JHY: variants seen among roughly 807,000 people sequenced by gnomAD.
The protein encoded by JHY is jhy protein homolog.
In JHY, 69 loss-of-function variants were observed where a neutral mutation model predicts 78.0. The ratio of observed to expected loss-of-function variants is 0.88; its 90% confidence interval spans 0.73 to 1.08. JHY has a LOEUF of 1.08. Ranked by LOEUF, JHY falls within the 50% of genes least tolerant of loss-of-function variation. The pLI, the probability that JHY is intolerant of heterozygous loss-of-function variation, is 0.00. For synonymous variants in JHY, 368 were observed against 342.6 expected, an observed-to-expected ratio of 1.07 and a Z score of -0.82; for missense variants, 944 against 927.8, an observed-to-expected ratio of 1.02 and a Z score of -0.23.
In JHY at chr11:122,934,518, A is replaced by G. The variant is rs1388991343; in HGVS notation, c.1077A>G (p.Arg359=). ...SDMVNDHQPS[R]RPAKLKIRKQ... ...TGGTGAATGACCATCAACCTTCCAGAAGACCAGCCAAGCTCAAGATTCGAA... is the reference window on the plus strand; with the variant it reads ...TGGTGAATGACCATCAACCTTCCAGGAGACCAGCCAAGCTCAAGATTCGAA... The change falls in exon 5 of 9, where the codon AGA becomes AGG. Residue 359 remains arginine (R), a synonymous_variant. Coordinates refer to ENST00000227349, the MANE Select transcript of JHY (RefSeq NM_024806.4). The G allele has an allele frequency of 3.7e-6, 6 of 1,614,110 alleles. No individual in the cohort carries two copies. Among genetic ancestry groups the G allele is most frequent in the Non-Finnish European group, 5.1e-6 (6 of 1,180,024 alleles).
chr11:122,942,895 G>A (rs979349949), intron 5 of JHY, among the ~76,000 whole-genome samples: 3 of 151,920 alleles, frequency 2.0e-5, no homozygotes, highest in African/African-American at 7.3e-5. Flanking sequence ...TCTTTTTAGA[G>A]GCAGGGTCTC....
chr11:122,892,314 A>G (rs1327730808), intron 2 of JHY, among the ~76,000 whole-genome samples: 1 of 151,424 alleles, frequency 6.6e-6, no homozygotes. Context: ...AAAGGGACTC[A>G]TAATAATCTG....
intron 3 of JHY, chr11:122,905,345 T>TGGA: frequency 6.5e-7 from 1 of 1,542,194 alleles, no homozygotes; most frequent in African/African-American, 1.4e-5. Flanking sequence ...CCACTCTTAC[T>TGGA]GGAAAGAGCT....
intron 4 of JHY, among the ~76,000 whole-genome samples, chr11:122,930,283 G>A (rs1206542117): frequency 6.6e-6 from 1 of 152,000 alleles, no homozygotes; most frequent in Non-Finnish European, 1.5e-5. Flanking sequence ...GTTTCACCAT[G>A]TTTGTCAAGC....
intron 2 of JHY, among the ~76,000 whole-genome samples, chr11:122,891,616 G>A (rs1306718487): frequency 6.6e-6 from 1 of 150,500 alleles, no homozygotes; most frequent in African/African-American, 2.4e-5. Flanking sequence ...CTTTATATGT[G>A]TTTAATAAGG....
In JHY at chr11:122,950,653, A is replaced by T. The variant is rs562327974; in HGVS notation, c.1929+3861A>T. ...GACTTAGTGTGATGTTAAGTGAAAT[A>T]ATGTATTAAAACTACAGCTTAGTCC... On this transcript the variant is annotated intron_variant, in intron 6 of 8. Transcript: ENST00000227349. Among the ~76,000 whole-genome samples the T allele has an allele frequency of 3.3e-5, 5 of 152,340 alleles. No homozygotes were observed. In the East Asian group the frequency reaches 9.6e-4, roughly 29 times the overall value.
At position 122,935,330 on chromosome 11, in the gene JHY, G is replaced by A. The variant is rs2135356981; in HGVS notation, c.1634+255G>A. ...GCTCATTGCAACCTCCGCCTCCCGA[G>A]CTCAAGCAATTCTCCTGGCCCAGCC... On this transcript the variant is annotated intron_variant, in intron 5 of 8. Coordinates refer to ENST00000227349, the MANE Select transcript of JHY (RefSeq NM_024806.4). This position sits in a 1 kb window ranked among gnomAD's most constrained non-coding sequence, Gnocchi z 4.5. Among the ~76,000 whole-genome samples the A allele has an allele frequency of 6.6e-6, 1 of 151,944 alleles. No homozygotes were observed. Among genetic ancestry groups the A allele is most frequent in the Non-Finnish European group, 1.5e-5 (1 of 67,966 alleles).
rs550598373 is a variant in JHY at position 122,939,540 on chromosome 11, C to T, written c.1634+4465C>T. Among the ~76,000 whole-genome samples the T allele has an allele frequency of 9.2e-5, 14 of 152,202 alleles. No individual in the cohort carries two copies. The East Asian group carries it at 1.9e-3, about 21-fold the overall frequency. On this transcript the variant is annotated intron_variant, in intron 5 of 8. Coordinates refer to ENST00000227349, the MANE Select transcript of JHY (RefSeq NM_024806.4). ...CCCCCCATTTTGTTCTCTTTATCTT[C>T]GTGGGTTGATGTCTTTTAAAAATCT...
Position 122,904,206 on chromosome 11 carries a change from C to G in JHY, c.626C>G (p.Pro209Arg). The change falls in exon 3 of 9, where the codon CCG becomes CGG. Residue 209 changes from proline (P) to arginine (R), a missense_variant. Physicochemically the swap from Pro to Arg is moderately radical, Grantham distance 103 (BLOSUM62 -2). Transcript: ENST00000227349. ...GAGCATGGTGCCCGTCGCAGCAAGC[C>G]GTTTTCAGAGCTGAGCGACAGTGAC... is the stretch of plus-strand genomic sequence containing the variant. ...NYEHGARRSK[P>R]FSELSDSDLE... is the part of the protein sequence containing the mutation. 6.2e-7 allele frequency: 1 copy of G among 1,614,136 alleles called. No individual in the cohort carries two copies.
At chr11:122,893,440 G>T (rs1461392248) in intron 2 of JHY, among the ~76,000 whole-genome samples, 2 of 152,158 alleles carry the variant, frequency 1.3e-5, no homozygotes, top group Non-Finnish European at 2.9e-5. Context: ...CCTGAGGCTT[G>T]TTGCCCCCGG....
chr11:122,928,652 G>T (rs907968314), intron 4 of JHY, among the ~76,000 whole-genome samples: 3 of 151,506 alleles, frequency 2.0e-5, no homozygotes, highest in Admixed American at 6.6e-5. Context: ...TTGGTTTTTT[G>T]TTGTTGTTGT....
At chr11:122,918,812 T>C (rs1277586785) in intron 3 of JHY, among the ~76,000 whole-genome samples, 1 of 149,716 alleles carries the variant, frequency 6.7e-6, no homozygotes, top group Non-Finnish European at 1.5e-5. Context: ...GTAGTACCCG[T>C]AGAGCTATAC....
chr11:122,960,653 G>T lies in JHY; in HGVS notation c.*1208G>T, dbSNP rs1864293826. ...CCTTTTCTACTATATCAATAGTAGG[G>T]TTACTTGTCTATGTAATTTAAAAAT... is the stretch of plus-strand genomic sequence containing the variant. On this transcript the variant is annotated 3_prime_UTR_variant, in exon 9 of 9. Coordinates refer to ENST00000227349, the MANE Select transcript of JHY (RefSeq NM_024806.4). 1 of 367,012 alleles carries T rather than the reference G, an allele frequency of 2.7e-6. No homozygotes were observed. Among genetic ancestry groups the T allele is most frequent in the Non-Finnish European group, 5.5e-6 (1 of 182,274 alleles). 22.7% of individuals were successfully genotyped at this position (367,012 alleles called of 1,614,324 possible).
At chr11:122,926,705 G>T (rs541498989) in intron 4 of JHY, among the ~76,000 whole-genome samples, 118 of 152,308 alleles carry the variant, frequency 7.7e-4, no homozygotes, top group Non-Finnish European at 1.5e-3. Flanking sequence ...CTTAAGATTT[G>T]CCATGCATTA....
rs1862557296 is a variant in JHY, at chr11:122,889,120, C to T, written c.344+2927C>T. ...GTCCTCAGAATTACTGTCTTTTTAA[C>T]TTTTGCCACTCTGATGGGTTATAAA... On this transcript the variant is annotated intron_variant, in intron 2 of 8. Transcript: ENST00000227349. 1.3e-5 allele frequency among the ~76,000 whole-genome samples: 2 copies of T among 152,268 alleles called. 1 individual carries two copies. Among genetic ancestry groups the T allele is most frequent in the Non-Finnish European group, 2.9e-5 (2 of 68,004 alleles).
intron 2 of JHY, among the ~76,000 whole-genome samples, chr11:122,895,752 G>A (rs942448700): frequency 2.6e-5 from 4 of 152,188 alleles, no homozygotes; most frequent in Non-Finnish European, 4.4e-5. Context: ...CATGTTTTGT[G>A]TGCAGATGAT....
chr11:122,955,935 C>T lies in JHY; in HGVS notation c.1930-561C>T, dbSNP rs139739289. On this transcript the variant is annotated intron_variant, in intron 6 of 8. Transcript: ENST00000227349. ...CTTCTTCCAGGGAAGTCATTTGGCCCAGTAAACTGTCTAAGACTGGACAAA... is the reference window on the plus strand; with the variant it reads ...CTTCTTCCAGGGAAGTCATTTGGCCTAGTAAACTGTCTAAGACTGGACAAA... Among the ~76,000 whole-genome samples the T allele has an allele frequency of 3.5e-3, 540 of 152,146 alleles. 2 individuals carry two copies. Among genetic ancestry groups the T allele is most frequent in the Non-Finnish European group, 5.9e-3 (401 of 68,014 alleles).
rs1437629538 is a variant in JHY at position 122,917,913 on chromosome 11, A to C, written c.865-6984A>C. Among the ~76,000 whole-genome samples the C allele has an allele frequency of 2.6e-5, 4 of 151,594 alleles. No homozygotes were observed. The highest frequency in any genetic ancestry group is 4.4e-5 in the Non-Finnish European group (3 of 68,022). ...TTTATTTTATTTTACTTATTTATTT[A>C]TTTTGGAGACACAGTCTCACTCTGT... is the stretch of plus-strand genomic sequence containing the variant. On this transcript the variant is annotated intron_variant, in intron 3 of 8. Transcript: ENST00000227349. The surrounding 1 kb of genome is among the most constrained non-coding windows in gnomAD (Gnocchi z 4.1).
In JHY at chr11:122,961,104, T is replaced by C; in HGVS notation, c.*1659T>C. ...AGTTATGTAAATGTATCTATCCCAA[T>C]TGAGAGAGCCAGAAACAGTTGACTG... On this transcript the variant is annotated 3_prime_UTR_variant, in exon 9 of 9. Transcript: ENST00000227349. The C allele has an allele frequency of 3.0e-6, 3 of 995,992 alleles. No homozygotes were observed. The highest frequency in any genetic ancestry group is 2.7e-5 in the South Asian group (2 of 74,490). The allele number at this position is 995,992 out of a possible 1,614,324, so 61.7% of individuals were successfully genotyped here. A position where few individuals can be genotyped will look rare whatever the true frequency, so the allele number is the denominator to read the frequency against.
Sources: allele counts gnomAD v4.1 joint callset (sites outside exome capture counted in the v4.1 genomes callset), GRCh38; gene constraint gnomAD v4.1.1; non-coding constraint Gnocchi (gnomAD v3.1); transcripts MANE v1.5; gene names NCBI Gene and HGNC (gene_info 2026-07-23, HGNC 2026-07-21).